The following DOK6 variants were observed in gnomAD, a reference collection of about 807,000 sequenced individuals.
DOK6 encodes downstream of tyrosine kinase 6.
DOK6 carries 22 observed loss-of-function variants against 44.0 expected under a neutral mutation model. The observed-to-expected ratio is 0.50, with a 90% CI of 0.36 to 0.71. The LOEUF is 0.71. DOK6 is among the 30% of genes least tolerant of loss of function. The probability of loss-of-function intolerance (pLI) is 0.00; values close to 1 mark genes in which losing one functional copy is unlikely to be tolerated. For synonymous variants in DOK6, 166 were observed against 145.5 expected (o/e 1.14, Z -1.01); for missense variants, 340 against 416.4 (o/e 0.82, Z 1.60).
chr18:69,522,278 T>C (rs1256717617), intron 1 of DOK6, among the ~76,000 whole-genome samples: 1 of 151,806 alleles, frequency 6.6e-6, no homozygotes, highest in African/African-American at 2.4e-5. Flanking sequence ...AGGAAACAAA[T>C]GGCAAATGGC....
chr18:69,701,473 T>C (rs1044717080), intron 5 of DOK6, among the ~76,000 whole-genome samples: 1 of 152,264 alleles, frequency 6.6e-6, no homozygotes, highest in African/African-American at 2.4e-5. Flanking sequence ...AATTTTATCC[T>C]GTGAAAGACA....
At chr18:69,791,839 T>C (rs1007416913) in intron 7 of DOK6, among the ~76,000 whole-genome samples, 1 of 152,198 alleles carries the variant, frequency 6.6e-6, no homozygotes, top group Non-Finnish European at 1.5e-5. Flanking sequence ...TCCAATGTCC[T>C]GGATTGTGTC....
chr18:69,509,382 A>G (rs773681502), intron 1 of DOK6, among the ~76,000 whole-genome samples: 14 of 152,172 alleles, frequency 9.2e-5, no homozygotes, highest in Non-Finnish European at 1.9e-4. Flanking sequence ...TCACGCCTGT[A>G]ATCCCAGCAC....
At chr18:69,744,492 C>T (rs1978914655) in intron 6 of DOK6, among the ~76,000 whole-genome samples, 1 of 151,572 alleles carries the variant, frequency 6.6e-6, no homozygotes. Flanking sequence ...TGCGATGAAA[C>T]AACACAAGCT....
intron 2 of DOK6, among the ~76,000 whole-genome samples, chr18:69,566,883 G>A (rs1982996773): frequency 6.6e-6 from 1 of 152,128 alleles, no homozygotes; most frequent in Admixed American, 6.6e-5. Context: ...ATCTCTAGGA[G>A]GCATGTGGAG....
At chr18:69,732,146 T>C (rs985789229) in intron 5 of DOK6, among the ~76,000 whole-genome samples, 2 of 152,356 alleles carry the variant, frequency 1.3e-5, no homozygotes, top group East Asian at 3.9e-4. Flanking sequence ...AGCCATTATA[T>C]TGATAATTTT....
chr18:69,670,082 T>TTATG (rs1160072692), intron 3 of DOK6, among the ~76,000 whole-genome samples: 1 of 152,064 alleles, frequency 6.6e-6, no homozygotes, highest in Admixed American at 6.5e-5. Flanking sequence ...TTGAACATAT[T>TTATG]TATTTATTTA....
intron 1 of DOK6, among the ~76,000 whole-genome samples, chr18:69,498,342 A>G (rs1212131957): frequency 6.6e-6 from 1 of 152,186 alleles, no homozygotes; most frequent in Non-Finnish European, 1.5e-5. Flanking sequence ...TGAAACCACA[A>G]AGGTTTATTT....
chr18:69,605,623 T>G (rs1983976786), intron 3 of DOK6, among the ~76,000 whole-genome samples: 1 of 152,086 alleles, frequency 6.6e-6, no homozygotes, highest in Non-Finnish European at 1.5e-5. Context: ...ATAATCCCAC[T>G]CATAATCTAA....
chr18:69,706,017 G>A (rs1340708076), intron 5 of DOK6, among the ~76,000 whole-genome samples: 3 of 152,040 alleles, frequency 2.0e-5, no homozygotes, highest in Non-Finnish European at 4.4e-5. Flanking sequence ...CTCAATACAT[G>A]CAGGTTCTCA....
At chr18:69,803,225 T>G (rs1277071354) in intron 7 of DOK6, among the ~76,000 whole-genome samples, 1 of 152,152 alleles carries the variant, frequency 6.6e-6, no homozygotes, top group African/African-American at 2.4e-5. Flanking sequence ...GAATTAAAAT[T>G]TCTAAACGTA....
intron 1 of DOK6, chr18:69,469,969 C>G (rs961318995): frequency 1.0e-5 from 2 of 191,648 alleles, no homozygotes; most frequent in Non-Finnish European, 2.2e-5. Context: ...AACCGAGTGT[C>G]CGATCTCCCC....
intron 1 of DOK6, among the ~76,000 whole-genome samples, chr18:69,489,279 C>G (rs1444001801): frequency 6.6e-6 from 1 of 152,170 alleles, no homozygotes; most frequent in Non-Finnish European, 1.5e-5. Flanking sequence ...ATTGTCAGTA[C>G]AAATACTAAA....
At chr18:69,826,974 G>A (rs905796386) in intron 7 of DOK6, among the ~76,000 whole-genome samples, 1 of 152,076 alleles carries the variant, frequency 6.6e-6, no homozygotes, top group African/African-American at 2.4e-5. Flanking sequence ...TAAACCTTGG[G>A]AAATGCAAAT....
At chr18:69,558,453 T>G (rs1265962818) in intron 1 of DOK6, among the ~76,000 whole-genome samples, 1 of 152,170 alleles carries the variant, frequency 6.6e-6, no homozygotes, top group Non-Finnish European at 1.5e-5. Flanking sequence ...GGGTAGAAGA[T>G]GGAACTCTGC....
intron 1 of DOK6, among the ~76,000 whole-genome samples, chr18:69,489,723 CT>C (rs1980682613): frequency 6.6e-6 from 1 of 152,060 alleles, no homozygotes; most frequent in Admixed American, 6.5e-5. Context: ...ATCGAAAGCC[CT>C]GTTCAGATTT....
At chr18:69,639,467 C>G (rs1984888223) in intron 3 of DOK6, among the ~76,000 whole-genome samples, 1 of 152,186 alleles carries the variant, frequency 6.6e-6, no homozygotes, top group Non-Finnish European at 1.5e-5. Context: ...TCCTCACCTG[C>G]CTTCTCTATA....
At chr18:69,658,779 CT>C (rs1397351004) in intron 3 of DOK6, among the ~76,000 whole-genome samples, 1 of 152,128 alleles carries the variant, frequency 6.6e-6, no homozygotes, top group Non-Finnish European at 1.5e-5. Flanking sequence ...ATATAACTCT[CT>C]TTTTTCAACA....
intron 1 of DOK6, among the ~76,000 whole-genome samples, chr18:69,455,655 G>T (rs1350272322): frequency 6.6e-6 from 1 of 152,168 alleles, no homozygotes; most frequent in Non-Finnish European, 1.5e-5. Flanking sequence ...GGGATGGGAA[G>T]TAAGATACAT....
Sources: allele counts gnomAD v4.1 joint callset (sites outside exome capture counted in the v4.1 genomes callset), GRCh38; gene constraint gnomAD v4.1.1; transcripts MANE v1.5; gene names NCBI Gene and HGNC (gene_info 2026-07-23, HGNC 2026-07-21).